Variants in SPTBN1 observed in about 807,000 individuals in gnomAD.
The protein encoded by SPTBN1 is spectrin beta, non-erythrocytic 1, also known as spectrin beta chain, non-erythrocytic 1.
A neutral mutation model predicts 266.4 loss-of-function variants in SPTBN1; 32 were observed. The observed-to-expected ratio is 0.12, with a 90% CI of 0.09 to 0.16. The LOEUF is 0.16. Among genes scored for constraint, SPTBN1 ranks in the 10% least tolerant of loss-of-function variants. The pLI, the probability that SPTBN1 is intolerant of heterozygous loss-of-function variation, is 1.00. For missense variants in SPTBN1, 2,296 were observed against 3,067.1 expected (o/e 0.75, Z 5.94); for synonymous variants, 1,336 against 1,162.2 (o/e 1.15, Z -3.04).
intron 1 of SPTBN1, among the ~76,000 whole-genome samples, chr2:54,496,009 T>C (rs1173083579): frequency 6.6e-6 from 1 of 152,170 alleles, no homozygotes; most frequent in Non-Finnish European, 1.5e-5. Flanking sequence ...GAAGTACACA[T>C]GGGCTTATAC....
chr2:54,661,150 T>C, intron 32 of SPTBN1: 1 of 985,442 alleles, frequency 1.0e-6, no homozygotes, highest in Non-Finnish European at 1.2e-6. Flanking sequence ...AGACTTTTTG[T>C]GGAATTCTCT....
intron 30 of SPTBN1, among the ~76,000 whole-genome samples, chr2:54,658,536 T>C (rs1268935049): frequency 6.6e-6 from 1 of 152,200 alleles, no homozygotes; most frequent in African/African-American, 2.4e-5. Flanking sequence ...CCAAGACTTT[T>C]GCATTCCTGG....
chr2:54,485,865 C>T (rs972627460), intron 1 of SPTBN1, among the ~76,000 whole-genome samples: 11 of 149,806 alleles, frequency 7.3e-5, no homozygotes, highest in African/African-American at 2.2e-4. Context: ...ATGTGAGGAG[C>T]GCCTCTGCCC....
At position 54,624,894 on chromosome 2, in the gene SPTBN1, C is replaced by T. The variant is rs780991041; in HGVS notation, c.1273C>T (p.Arg425Cys). ...ACAGGAGAAACTGGAACAGCTCGCC[C>T]GCAGATTTGATCGCAAGGCAGCTAT... ...IRQEKLEQLA[R>C]RFDRKAAMRE... The change falls in exon 11 of 36, where the codon CGC (arginine) becomes TGC (cysteine). Residue 425 changes from arginine to cysteine, a missense_variant. Physicochemically the swap from Arg to Cys is radical, Grantham distance 180 (BLOSUM62 -3). Transcript: ENST00000356805. 1.2e-5 allele frequency: 19 copies of T among 1,613,856 alleles called. No homozygotes were observed. Among genetic ancestry groups the T allele is most frequent in the East Asian group, 4.5e-5 (2 of 44,896 alleles).
At chr2:54,620,920 G>C (rs1231492694) in intron 7 of SPTBN1, among the ~76,000 whole-genome samples, 1 of 152,174 alleles carries the variant, frequency 6.6e-6, no homozygotes, top group Non-Finnish European at 1.5e-5. Flanking sequence ...AATCGGGAAA[G>C]CTGGTGGAGG....
chr2:54,456,945 A>C (rs1426881881), intron 1 of SPTBN1, among the ~76,000 whole-genome samples: 1 of 150,084 alleles, frequency 6.7e-6, no homozygotes, highest in African/African-American at 2.5e-5. Context: ...GACAGCGGAC[A>C]GCCGGAGGGT....
intron 1 of SPTBN1, among the ~76,000 whole-genome samples, chr2:54,499,656 G>T (rs1034325699): frequency 3.9e-5 from 6 of 152,214 alleles, no homozygotes; most frequent in Non-Finnish European, 7.3e-5. Flanking sequence ...CACAACATTT[G>T]TAATTATCTA....
chr2:54,491,460 T>G (rs900018791), intron 1 of SPTBN1, among the ~76,000 whole-genome samples: 1 of 152,240 alleles, frequency 6.6e-6, no homozygotes. Flanking sequence ...TAAGAATAAC[T>G]TCTTGGAGTA....
At chr2:54,613,837 A>ACTC (rs1677391206) in intron 4 of SPTBN1, among the ~76,000 whole-genome samples, 2 of 152,068 alleles carry the variant, frequency 1.3e-5, no homozygotes, top group African/African-American at 4.8e-5. Flanking sequence ...TTAGCAGTAC[A>ACTC]CTCCTCTAGC....
In SPTBN1 at chr2:54,533,287, C is replaced by G. The variant is rs1671369673; in HGVS notation, c.148+6721C>G. Among the ~76,000 whole-genome samples the G allele has an allele frequency of 6.6e-6, 1 of 151,614 alleles. No homozygotes were observed. The highest frequency in any genetic ancestry group is 2.4e-5 in the African/African-American group (1 of 41,220). Reference sequence around the variant, plus strand: ...TCTTCAGTTTTTCATTTCATATTTCCAGACCATGGTTGACTGAAGGTAACT... The same window carrying G: ...TCTTCAGTTTTTCATTTCATATTTCGAGACCATGGTTGACTGAAGGTAACT... On this transcript the variant is annotated intron_variant, in intron 2 of 35. Transcript: ENST00000356805. This position sits in a 1 kb window ranked among gnomAD's most constrained non-coding sequence, Gnocchi z 4.2.
At chr2:54,635,753 C>CT (rs751621138) in intron 17 of SPTBN1, among the ~76,000 whole-genome samples, 5 of 152,342 alleles carry the variant, frequency 3.3e-5, no homozygotes, top group Non-Finnish European at 7.3e-5. Context: ...CCTTTGACTA[C>CT]TGGCAGGACT....
chr2:54,561,286 AC>A (rs1430719755), intron 2 of SPTBN1, among the ~76,000 whole-genome samples: 2 of 152,136 alleles, frequency 1.3e-5, no homozygotes, highest in Admixed American at 1.3e-4. Flanking sequence ...CTGGGACTAT[AC>A]CATGTCTGGC....
chr2:54,631,653 G>C (rs768757738), intron 16 of SPTBN1, 42 bp downstream of exon 16: 2 of 1,571,810 alleles, frequency 1.3e-6, no homozygotes, highest in Non-Finnish European at 1.7e-6. Context: ...GGTGAAAGCA[G>C]CCCTGGCTGC....
rs535730881 is a variant in SPTBN1 at position 54,473,337 on chromosome 2, G to T, written c.-48+16819G>T. On this transcript the variant is annotated intron_variant, in intron 1 of 35. Coordinates refer to ENST00000356805, the MANE Select transcript of SPTBN1 (RefSeq NM_003128.3). ...GAAAAATATTTCTTGGAAAATGCGT[G>T]TGTGGGCAGCTTCTTTTAGATGTAT... 2.0e-5 allele frequency among the ~76,000 whole-genome samples: 3 copies of T among 152,314 alleles called. No individual in the cohort carries two copies. The East Asian group carries it at 5.8e-4, about 29-fold the overall frequency.
intron 4 of SPTBN1, among the ~76,000 whole-genome samples, chr2:54,613,717 A>T (rs996912273): frequency 6.6e-6 from 1 of 152,232 alleles, no homozygotes; most frequent in Non-Finnish European, 1.5e-5. Context: ...TTTTCCCCAG[A>T]TAGAACTCTT....
intron 1 of SPTBN1, among the ~76,000 whole-genome samples, chr2:54,506,132 T>C (rs1412744629): frequency 3.0e-5 from 4 of 132,152 alleles, no homozygotes; most frequent in Non-Finnish European, 6.6e-5. Flanking sequence ...TCTAAATAAA[T>C]AAATAAATAA....
intron 2 of SPTBN1, among the ~76,000 whole-genome samples, chr2:54,565,494 G>A (rs953413878): frequency 6.6e-6 from 1 of 152,096 alleles, no homozygotes; most frequent in Admixed American, 6.6e-5. Context: ...CCCACAGTTG[G>A]CTCAAGAGCC....
At chr2:54,518,829 G>A (rs538283384) in intron 1 of SPTBN1, among the ~76,000 whole-genome samples, 25 of 152,302 alleles carry the variant, frequency 1.6e-4, no homozygotes, top group Admixed American at 7.8e-4. Context: ...GTGTGCATAT[G>A]TGTAGTGCCA....
chr2:54,621,521 G>T lies in SPTBN1; in HGVS notation c.876+9G>T. On this transcript the variant is annotated intron_variant, in intron 8 of 35. Transcript: ENST00000356805. ...GAAAACGAATTGGAAAGGTGAGCTGGTGCCAATTTTGTGAGTTGTGAGACA... is the reference window on the plus strand; with the variant it reads ...GAAAACGAATTGGAAAGGTGAGCTGTTGCCAATTTTGTGAGTTGTGAGACA... The T allele has an allele frequency of 6.2e-7, 1 of 1,607,486 alleles. No homozygotes were observed. Among genetic ancestry groups the T allele is most frequent in the East Asian group, 2.2e-5 (1 of 44,846 alleles).
Sources: allele counts gnomAD v4.1 joint callset (sites outside exome capture counted in the v4.1 genomes callset), GRCh38; gene constraint gnomAD v4.1.1; non-coding constraint Gnocchi (gnomAD v3.1); transcripts MANE v1.5; gene names NCBI Gene and HGNC (gene_info 2026-07-23, HGNC 2026-07-21).